CCSER1: variants seen among roughly 807,000 people sequenced by gnomAD.
CCSER1 encodes the protein coiled-coil serine rich protein 1.
Under a neutral mutation model 82.0 loss-of-function variants are expected in CCSER1, and 41 were observed. The observed-to-expected ratio is 0.50, with a 90% CI of 0.39 to 0.65. The LOEUF (loss-of-function observed/expected upper bound fraction) is 0.65, where lower values mean the gene tolerates loss of function less well. CCSER1 is among the 30% of genes least tolerant of loss of function. The pLI is 0.00. For missense variants in CCSER1, 1,119 were observed against 1,064.2 expected (o/e 1.05, Z -0.72); for synonymous variants, 414 against 383.9 (o/e 1.08, Z -0.92).
intron 10 of CCSER1, among the ~76,000 whole-genome samples, chr4:91,550,921 A>G (rs1762130052): frequency 6.6e-6 from 1 of 152,208 alleles, no homozygotes; most frequent in Non-Finnish European, 1.5e-5. Flanking sequence ...TGAGCATTTG[A>G]AACTATTATT....
At chr4:90,329,514 A>G (rs1268504117) in intron 3 of CCSER1, among the ~76,000 whole-genome samples, 1 of 152,172 alleles carries the variant, frequency 6.6e-6, no homozygotes, top group Non-Finnish European at 1.5e-5. Flanking sequence ...TATCTTTACC[A>G]TGACAGTGTT....
intron 10 of CCSER1, among the ~76,000 whole-genome samples, chr4:91,190,415 C>T (rs1207589207): frequency 6.6e-6 from 1 of 152,170 alleles, no homozygotes; most frequent in Non-Finnish European, 1.5e-5. Context: ...TACTTATCTT[C>T]TTATATATCA....
intron 3 of CCSER1, among the ~76,000 whole-genome samples, chr4:90,397,282 G>A (rs1048182302): frequency 1.3e-5 from 2 of 152,136 alleles, no homozygotes; most frequent in Non-Finnish European, 2.9e-5. Flanking sequence ...ACAATGTCGT[G>A]AATTTTCCAA....
intron 9 of CCSER1, among the ~76,000 whole-genome samples, chr4:91,020,608 G>A (rs1739861451): frequency 6.6e-6 from 1 of 151,960 alleles, no homozygotes; most frequent in African/African-American, 2.4e-5. Flanking sequence ...CTTGCAGTGA[G>A]CCGAGATCGC....
chr4:90,546,281 C>T (rs542759234), intron 5 of CCSER1, among the ~76,000 whole-genome samples: 3 of 152,230 alleles, frequency 2.0e-5, no homozygotes, highest in African/African-American at 4.8e-5. Flanking sequence ...GCTATGGCTT[C>T]GCTCTGTGAC....
At chr4:91,302,111 G>C (rs907829654) in intron 10 of CCSER1, among the ~76,000 whole-genome samples, 1 of 151,886 alleles carries the variant, frequency 6.6e-6, no homozygotes, top group African/African-American at 2.4e-5. Flanking sequence ...TGAATCACCA[G>C]TACTGACCTC....
intron 8 of CCSER1, among the ~76,000 whole-genome samples, chr4:90,853,447 G>A (rs2149944158): frequency 6.6e-6 from 1 of 152,216 alleles, no homozygotes; most frequent in Middle Eastern, 3.4e-3. Context: ...GTAAATATAA[G>A]CAGAATCATG....
chr4:91,132,518 G>A (rs1281636204), intron 10 of CCSER1, among the ~76,000 whole-genome samples: 2 of 152,142 alleles, frequency 1.3e-5, no homozygotes, highest in African/African-American at 2.4e-5. Context: ...GAATGTATTC[G>A]TTAATTCTGC....
intron 9 of CCSER1, among the ~76,000 whole-genome samples, chr4:91,051,750 A>C (rs1178617377): frequency 1.3e-5 from 2 of 152,166 alleles, no homozygotes; most frequent in Non-Finnish European, 2.9e-5. Flanking sequence ...TTCACAAAGT[A>C]ATATTGCTTG....
chr4:90,152,363 C>A (rs931834158), intron 1 of CCSER1, among the ~76,000 whole-genome samples: 1 of 152,054 alleles, frequency 6.6e-6, no homozygotes, highest in Non-Finnish European at 1.5e-5. Flanking sequence ...AACCTGAGGC[C>A]AGGATGAAGG....
Position 90,441,620 on chromosome 4 carries a change from C to T in CCSER1, c.1604-26614C>T, listed in dbSNP as rs1002455965. ...ACATAAGAATTTGGGGGTGGTGACACGATTCAGTCTATAGCAATTATCTGT... is the reference window on the plus strand; with the variant it reads ...ACATAAGAATTTGGGGGTGGTGACATGATTCAGTCTATAGCAATTATCTGT... On this transcript the variant is annotated intron_variant, in intron 4 of 10. Transcript: ENST00000509176. Among the ~76,000 whole-genome samples, 15 of 152,208 alleles carry T rather than the reference C, an allele frequency of 9.9e-5. No homozygotes were observed. The East Asian group carries it at 2.3e-3, about 24-fold the overall frequency.
chr4:91,029,885 A>C (rs374881772), intron 9 of CCSER1, among the ~76,000 whole-genome samples: 275 of 152,276 alleles, frequency 1.8e-3, no homozygotes, highest in African/African-American at 6.2e-3. Context: ...AAGCATGGGC[A>C]TTAAATTCAC....
At chr4:90,497,631 G>T (rs1011776672) in intron 5 of CCSER1, among the ~76,000 whole-genome samples, 3 of 152,268 alleles carry the variant, frequency 2.0e-5, no homozygotes, top group South Asian at 2.1e-4. Context: ...TATGTAACGT[G>T]ATAATAACCT....
chr4:91,511,567 T>A (rs1223915932), intron 10 of CCSER1, among the ~76,000 whole-genome samples: 1 of 152,198 alleles, frequency 6.6e-6, no homozygotes, highest in East Asian at 1.9e-4. Flanking sequence ...TCATCTGTTT[T>A]TACAGCCACT....
chr4:91,256,085 C>A (rs1437191550), intron 10 of CCSER1, among the ~76,000 whole-genome samples: 1 of 152,086 alleles, frequency 6.6e-6, no homozygotes, highest in East Asian at 1.9e-4. Context: ...ATTCTTTCCC[C>A]AGTAAGGAAT....
At chr4:91,307,617 G>A (rs936664106) in intron 10 of CCSER1, among the ~76,000 whole-genome samples, 1 of 151,932 alleles carries the variant, frequency 6.6e-6, no homozygotes, top group African/African-American at 2.4e-5. Context: ...CTTACAATGA[G>A]TAAGAAGAAA....
intron 7 of CCSER1, among the ~76,000 whole-genome samples, chr4:90,767,280 A>C (rs1580373275): frequency 6.6e-6 from 1 of 151,852 alleles, no homozygotes; most frequent in Non-Finnish European, 1.5e-5. Context: ...CACAGTTCTA[A>C]AAGAAGCAAG....
At chr4:90,878,076 C>T (rs1720622303) in intron 8 of CCSER1, among the ~76,000 whole-genome samples, 1 of 152,116 alleles carries the variant, frequency 6.6e-6, no homozygotes, top group African/African-American at 2.4e-5. Flanking sequence ...TGCTATCATC[C>T]TAGAAAATCA....
At chr4:90,274,791 T>C (rs1727235784) in intron 1 of CCSER1, among the ~76,000 whole-genome samples, 2 of 152,148 alleles carry the variant, frequency 1.3e-5, no homozygotes, top group South Asian at 4.1e-4. Flanking sequence ...ACACAATTAC[T>C]GAATAAATTA....
Sources: allele counts gnomAD v4.1 joint callset (sites outside exome capture counted in the v4.1 genomes callset), GRCh38; gene constraint gnomAD v4.1.1; transcripts MANE v1.5; gene names NCBI Gene and HGNC (gene_info 2026-07-23, HGNC 2026-07-21).